POM121: variants seen among roughly 807,000 people sequenced by gnomAD.
The protein encoded by POM121 is nuclear envelope pore membrane protein POM 121.
A neutral mutation model predicts 81.3 loss-of-function variants in POM121; 32 were observed. The observed-to-expected ratio is 0.39, with a 90% CI of 0.30 to 0.53. The LOEUF is 0.53. POM121 is among the 20% of genes least tolerant of loss of function. POM121 has a pLI of 0.66. For missense variants in POM121, 1,138 were observed against 1,614.6 expected (o/e 0.70, Z 5.06); for synonymous variants, 514 against 694.2 (o/e 0.74, Z 4.08).
Position 72,928,418 on chromosome 7 carries a change from A to T in POM121, c.1056A>T (p.Ala352=), listed in dbSNP as rs781845491. 6.2e-7 allele frequency: 1 copy of T among 1,614,252 alleles called. No homozygotes were observed. The highest frequency in any genetic ancestry group is 1.1e-5 in the South Asian group (1 of 91,090). ...RHDSSGSGHS[A]FEPLVANGVP... The stretch of plus-strand genomic sequence containing the variant: ...ATAGCAGTGGCAGTGGACATTCAGC[A>T]TTTGAGCCCCTGGTGGCCAATGGAG... Residue 352 remains alanine, a synonymous_variant, in exon 4 of 13, where the codon GCA becomes GCT. Transcript: ENST00000434423.
At chr7:72,900,227 T>C (rs1396184385) in intron 3 of POM121, among the ~76,000 whole-genome samples, 3 of 152,202 alleles carry the variant, frequency 2.0e-5, no homozygotes, top group African/African-American at 4.8e-5. Context: ...TGGGTCTTTT[T>C]CCCACTTATA....
chr7:72,886,320 C>T (rs1317427591), intron 1 of POM121, among the ~76,000 whole-genome samples: 3 of 152,126 alleles, frequency 2.0e-5, no homozygotes, highest in South Asian at 4.2e-4. Flanking sequence ...ATTACAGACA[C>T]CCACCATCAC....
chr7:72,894,135 G>C (rs1277767226), intron 3 of POM121, among the ~76,000 whole-genome samples: 3 of 152,148 alleles, frequency 2.0e-5, no homozygotes, highest in Non-Finnish European at 4.4e-5. Context: ...GTGGTGACAC[G>C]CGCCTGTAGT....
At chr7:72,896,908 G>A (rs1792017888) in intron 3 of POM121, among the ~76,000 whole-genome samples, 2 of 152,406 alleles carry the variant, frequency 1.3e-5, no homozygotes, top group South Asian at 4.1e-4. Flanking sequence ...TTTATTGCAG[G>A]AAAAGATGGA....
At chr7:72,929,394 G>GT (rs1795795625) in intron 4 of POM121, among the ~76,000 whole-genome samples, 1 of 152,208 alleles carries the variant, frequency 6.6e-6, no homozygotes, top group South Asian at 2.1e-4. Flanking sequence ...TGTCTATATT[G>GT]TAACAGGTTG....
chr7:72,941,043 C>T, intron 10 of POM121, 50 bp downstream of exon 10: 7 of 1,611,056 alleles, frequency 4.3e-6, no homozygotes, highest in Non-Finnish European at 5.9e-6. Context: ...GCATCCCCGG[C>T]TTGAGTTGGA....
At chr7:72,934,452 T>A (rs1406201640) in intron 5 of POM121, among the ~76,000 whole-genome samples, 5 of 152,230 alleles carry the variant, frequency 3.3e-5, no homozygotes, top group Non-Finnish European at 5.9e-5. Context: ...AAGCTGTCTG[T>A]CATGTATGTG....
chr7:72,893,918 A>G lies in POM121; in HGVS notation c.-216+2808A>G, dbSNP rs1477802022. ...ACTCGGCGCCGTGTCTCTGTTCCCCAAAGTTCTGTTTCTGTTCTGTGCTGC... is the reference window on the plus strand; with the variant it reads ...ACTCGGCGCCGTGTCTCTGTTCCCCGAAGTTCTGTTTCTGTTCTGTGCTGC... On this transcript the variant is annotated intron_variant, in intron 3 of 15. Transcript: ENST00000395270. 2.0e-5 allele frequency among the ~76,000 whole-genome samples: 3 copies of G among 152,004 alleles called. No individual in the cohort carries two copies. The East Asian group carries it at 5.8e-4, about 30-fold the overall frequency.
intron 3 of POM121, among the ~76,000 whole-genome samples, chr7:72,905,711 T>G (rs1337881271): frequency 6.6e-6 from 1 of 152,124 alleles, no homozygotes; most frequent in African/African-American, 2.4e-5. Flanking sequence ...AAAAAAAGAT[T>G]TATTTTATGA....
rs1425697941 is a variant in POM121, at chr7:72,925,726, C to G, written c.605C>G (p.Pro202Arg). 2 of 1,294,490 alleles carry G rather than the reference C, an allele frequency of 1.5e-6. No homozygotes were observed. Among genetic ancestry groups the G allele is most frequent in the Non-Finnish European group, 2.0e-6 (2 of 1,018,276 alleles). 80.2% of individuals were successfully genotyped at this position (1,294,490 alleles called of 1,614,324 possible). Residue 202 changes from proline (P) to arginine (R), a missense_variant, in exon 1 of 13, where the codon CCC becomes CGC. Pro to Arg is a moderately radical substitution (Grantham distance 103, BLOSUM62 -2). Around this residue, in one of 7 missense-constraint regions of POM121, gnomAD observed 646 missense variants for 633.5 expected, o/e 1.02. Transcript: ENST00000434423. Reference protein sequence around the residue: ...HRAHHVYPSLPTPLLRPSRRP... With the variant: ...HRAHHVYPSLRTPLLRPSRRP... ...GCTCACCACGTTTACCCCTCTCTGC[C>G]CACTCCTCTTCTCCGACCCTCCAGG...
At chr7:72,924,584 C>T (rs1442714306), upstream of POM121, 2 of 152,858 alleles carry the variant, frequency 1.3e-5, no homozygotes, top group Non-Finnish European at 2.9e-5. Flanking sequence ...CACTCCCTAG[C>T]CCTAGGCAAC....
At chr7:72,938,505 T>G (rs1482566553) in intron 5 of POM121, 85 bp from the exon 6 acceptor site, 32 of 1,419,740 alleles carry the variant, frequency 2.3e-5, no homozygotes, top group Non-Finnish European at 3.2e-5. Context: ...AATGTTTTTT[T>G]AGTCACTTGA....
intron 3 of POM121, among the ~76,000 whole-genome samples, chr7:72,911,471 C>T (rs564092263): frequency 3.9e-5 from 6 of 152,348 alleles, no homozygotes; most frequent in Admixed American, 2.0e-4. Context: ...AAACATCCTA[C>T]CCATTTGCAT....
chr7:72,927,306 C>T (rs1226216296), intron 3 of POM121, among the ~76,000 whole-genome samples: 2 of 152,184 alleles, frequency 1.3e-5, no homozygotes, highest in Non-Finnish European at 2.9e-5. Flanking sequence ...TGTTCAGTTA[C>T]TTGGGTAACC....
In POM121 at chr7:72,925,522, T is replaced by G. The variant is rs1554497059; in HGVS notation, c.401T>G (p.Leu134Arg). The G allele has an allele frequency of 6.5e-7, 1 of 1,533,102 alleles. No homozygotes were observed. Among genetic ancestry groups the G allele is most frequent in the African/African-American group, 1.4e-5 (1 of 72,920 alleles). The allele number at this position is 1,533,102 out of a possible 1,614,324, so 95.0% of individuals were successfully genotyped here. ...CTCGAAGGACCTGACCCTGCGGAACTGCTACTCATGGGCAGTTACCTGGGC... is the reference window on the plus strand; with the variant it reads ...CTCGAAGGACCTGACCCTGCGGAACGGCTACTCATGGGCAGTTACCTGGGC... ...TLLEGPDPAE[L>R]LLMGSYLGKP... The change falls in exon 1 of 13, where the codon CTG becomes CGG. Residue 134 changes from leucine to arginine, a missense_variant. Physicochemically the swap from Leu to Arg is moderately radical, Grantham distance 102 (BLOSUM62 -2). Around this residue, in one of 7 missense-constraint regions of POM121, gnomAD observed 646 missense variants for 633.5 expected, o/e 1.02. Coordinates refer to ENST00000434423, the MANE Select transcript of POM121 (RefSeq NM_001387691.1).
chr7:72,929,118 A>G (rs1795766382), intron 4 of POM121, among the ~76,000 whole-genome samples: 2 of 152,214 alleles, frequency 1.3e-5, no homozygotes, highest in African/African-American at 2.4e-5. Context: ...GAGATTTGCA[A>G]CAGCCCAAAG....
At chr7:72,948,342 C>G, downstream of POM121, 1 of 1,609,282 alleles carries the variant, frequency 6.2e-7, no homozygotes, top group Non-Finnish European at 8.5e-7. Flanking sequence ...CACTTTTGCT[C>G]ACCAGCAAGA....
intron 3 of POM121, among the ~76,000 whole-genome samples, chr7:72,913,314 C>G (rs1455791483): frequency 1.3e-5 from 2 of 152,240 alleles, no homozygotes; most frequent in East Asian, 3.9e-4. Flanking sequence ...TGTGCCGTCT[C>G]TTTATCCATA....
Position 72,928,387 on chromosome 7 carries a change from G to A in POM121, c.1025G>A (p.Arg342His), listed in dbSNP as rs782310112. 6.2e-6 allele frequency: 10 copies of A among 1,614,182 alleles called. No homozygotes were observed. In the East Asian group the frequency reaches 6.7e-5, roughly 11 times the overall value. The change falls in exon 4 of 13, where the codon CGC becomes CAC. Residue 342 changes from arginine to histidine, a missense_variant and splice_region_variant. Physicochemically the swap from Arg to His is conservative, Grantham distance 29. Coordinates refer to ENST00000434423, the MANE Select transcript of POM121 (RefSeq NM_001387691.1). ...FLDGQENKRR[R>H]HDSSGSGHSA... ...GAGACTTTTTTGATTTGTCGCAGGC[G>A]CCATGATAGCAGTGGCAGTGGACAT... is the stretch of plus-strand genomic sequence containing the variant.
Sources: allele counts gnomAD v4.1 joint callset (sites outside exome capture counted in the v4.1 genomes callset), GRCh38; gene constraint gnomAD v4.1.1; regional missense constraint gnomAD v4.1.1; transcripts MANE v1.5; gene names NCBI Gene and HGNC (gene_info 2026-07-23, HGNC 2026-07-21).